TENM1: variants seen among roughly 807,000 people sequenced by gnomAD.
TENM1 encodes teneurin transmembrane protein 1, also known as teneurin-1.
In TENM1, 35 loss-of-function variants were observed where a neutral mutation model predicts 174.8. The observed-to-expected ratio is 0.20, with a 90% CI of 0.15 to 0.27. The LOEUF is 0.27. Ranked by LOEUF, TENM1 falls within the 10% of genes least tolerant of loss-of-function variation. The pLI, the probability that TENM1 is intolerant of heterozygous loss-of-function variation, is 1.00. For synonymous variants in TENM1, 781 were observed against 798.7 expected (o/e 0.98, Z 0.37); for missense variants, 1,633 against 2,130.1 (o/e 0.77, Z 4.59).
chrX:125,139,216 A>C, the TENM1 span, among the ~76,000 whole-genome samples: 1 of 111,746 alleles, frequency 8.9e-6, no homozygotes, highest in African/African-American at 3.3e-5. Context: ...TGCAGATTGT[A>C]ATAAGTAAAA....
intron 22 of TENM1, among the ~76,000 whole-genome samples, chrX:124,467,524 G>A (rs1473542737): frequency 8.9e-6 from 1 of 111,775 alleles, no homozygotes; most frequent in African/African-American, 3.3e-5. Flanking sequence ...AAACCAATCT[G>A]TTCAGAAAAT....
At chrX:124,903,043 T>C (rs1435662496) in intron 1 of TENM1, among the ~76,000 whole-genome samples, 1 of 111,584 alleles carries the variant, frequency 9.0e-6, no homozygotes, top group East Asian at 2.8e-4. Flanking sequence ...GAGTGAGAGA[T>C]GGAATGCTCC....
At chrX:124,605,154 G>A (rs1330027934) in intron 11 of TENM1, among the ~76,000 whole-genome samples, 1 of 102,432 alleles carries the variant, frequency 9.8e-6, no homozygotes, top group Non-Finnish European at 2.0e-5. Context: ...CAAAAATGAG[G>A]CTGCATTTTG....
the TENM1 span, among the ~76,000 whole-genome samples, chrX:125,201,552 T>A: frequency 8.9e-6 from 1 of 112,227 alleles, no homozygotes; most frequent in South Asian, 3.7e-4. Flanking sequence ...GCTGACATTG[T>A]TCTCAGGACT....
At chrX:125,039,467 A>G in the TENM1 span, among the ~76,000 whole-genome samples, 547 of 110,677 alleles carry the variant, frequency 4.9e-3, 4 homozygotes, top group African/African-American at 0.016. Context: ...GCATGAGTCA[A>G]TTTTGTTCAG....
At position 124,662,346 on chromosome X, in the gene TENM1, C is replaced by T. The variant is rs147725682; in HGVS notation, c.1169-8563G>A. Among the ~76,000 whole-genome samples the T allele has an allele frequency of 8.5e-3, 914 of 107,457 alleles. 12 individuals carry two copies. Among genetic ancestry groups the T allele is most frequent in the African/African-American group, 0.03 (873 of 29,373 alleles). The allele number at this position is 107,457 out of a possible 115,157, so 93.3% of individuals were successfully genotyped here. On this transcript the variant is annotated intron_variant, in intron 6 of 31. Coordinates refer to ENST00000422452, the Ensembl canonical transcript of TENM1. ...GTGCGCGCCTGTAATCCCAGCTACTCAGGTGGCTGAGGCAGGAGAATTGCT... is the reference window on the plus strand; with the variant it reads ...GTGCGCGCCTGTAATCCCAGCTACTTAGGTGGCTGAGGCAGGAGAATTGCT...
chrX:125,027,646 G>A, the TENM1 span, among the ~76,000 whole-genome samples: 9 of 89,205 alleles, frequency 1.0e-4, no homozygotes, highest in East Asian at 2.4e-3. Context: ...ACGGAGTCTC[G>A]CTCTGGCGCC....
At chrX:124,381,216 G>T in exon 32 of TENM1, 1 of 1,206,236 alleles carries the variant, frequency 8.3e-7, no homozygotes. Context: ...TCATTGTATC[G>T]GGGAGTCATA....
chrX:124,911,865 T>G (rs750344915), intron 1 of TENM1, among the ~76,000 whole-genome samples: 1 of 111,801 alleles, frequency 8.9e-6, no homozygotes, highest in Non-Finnish European at 1.9e-5. Flanking sequence ...ACAATTTTTT[T>G]GCATACATCT....
the TENM1 span, among the ~76,000 whole-genome samples, chrX:125,085,730 T>C: frequency 9.0e-6 from 1 of 111,100 alleles, no homozygotes; most frequent in African/African-American, 3.3e-5. Context: ...TTATAAGAGA[T>C]ATTTATATAT....
the TENM1 span, among the ~76,000 whole-genome samples, chrX:124,984,905 A>C: frequency 8.9e-6 from 1 of 112,354 alleles, no homozygotes; most frequent in Non-Finnish European, 1.9e-5. Context: ...CACTCTGCCA[A>C]CATTGTAGGA....
intron 1 of TENM1, among the ~76,000 whole-genome samples, chrX:124,920,091 T>A (rs183650400): frequency 9.0e-6 from 1 of 111,345 alleles, no homozygotes; most frequent in East Asian, 2.8e-4. Flanking sequence ...AAATATATGA[T>A]TAATTCTGAA....
At chrX:124,672,257 T>C (rs2051942930) in intron 5 of TENM1, among the ~76,000 whole-genome samples, 1 of 111,682 alleles carries the variant, frequency 9.0e-6, no homozygotes, top group Non-Finnish European at 1.9e-5. Context: ...TTTAATTCAA[T>C]TCAGTTCAGC....
chrX:124,861,589 T>C (rs182057743), intron 3 of TENM1, among the ~76,000 whole-genome samples: 39 of 112,317 alleles, frequency 3.5e-4, no homozygotes, highest in South Asian at 1.1e-3. Flanking sequence ...ATCATTCTAA[T>C]TGGAATGCTT....
chrX:124,499,694 A>C (rs1363314098), intron 19 of TENM1, among the ~76,000 whole-genome samples: 1 of 112,043 alleles, frequency 8.9e-6, no homozygotes, highest in Non-Finnish European at 1.9e-5. Context: ...TTGTAATTCA[A>C]ATAAATTAGG....
chrX:124,385,581 T>G, intron 29 of TENM1, 96 bp downstream of exon 32: 1 of 838,115 alleles, frequency 1.2e-6, no homozygotes, highest in Non-Finnish European at 1.7e-6. Context: ...GTTGAATGTG[T>G]GTAGATTAAT....
chrX:124,870,466 T>C (rs1044084846), intron 3 of TENM1, among the ~76,000 whole-genome samples: 41 of 111,630 alleles, frequency 3.7e-4, no homozygotes, highest in African/African-American at 1.3e-3. Flanking sequence ...TATTAAGAGT[T>C]CAGGGATTAT....
At chrX:125,125,426 T>A in the TENM1 span, among the ~76,000 whole-genome samples, 2,154 of 112,129 alleles carry the variant, frequency 0.019, 42 homozygotes, top group African/African-American at 0.066. Flanking sequence ...TGAATCCTTA[T>A]TAAAAATAAC....
At chrX:125,020,210 T>C in the TENM1 span, among the ~76,000 whole-genome samples, 3 of 111,297 alleles carry the variant, frequency 2.7e-5, no homozygotes, top group Non-Finnish European at 3.8e-5. Flanking sequence ...ATTTTTTAAA[T>C]CACAATTATC....
Sources: allele counts gnomAD v4.1 joint callset (sites outside exome capture counted in the v4.1 genomes callset), GRCh38; gene constraint gnomAD v4.1.1; transcripts MANE v1.5; gene names NCBI Gene and HGNC (gene_info 2026-07-23, HGNC 2026-07-21).